Variants in SAMMSON observed in about 807,000 individuals in gnomAD.
SAMMSON encodes the protein long intergenic non-protein coding RNA 1212.
At chr3:70,160,752 A>T (rs1363465225) in intron 4 of SAMMSON, among the ~76,000 whole-genome samples, 1 of 152,078 alleles carries the variant, frequency 6.6e-6, no homozygotes, top group Non-Finnish European at 1.5e-5. Flanking sequence ...TGAAAATTTG[A>T]AAAGTACTGC....
rs115648248 is a variant in SAMMSON, at chr3:70,232,756, A to T, written n.508-16351A>T. Among the ~76,000 whole-genome samples the T allele has an allele frequency of 5.6e-3, 860 of 152,268 alleles. 1 individual carries two copies. Among genetic ancestry groups the T allele is most frequent in the South Asian group, 0.015 (72 of 4,824 alleles). The stretch of plus-strand genomic sequence containing the variant: ...AATACGTATTGTTTTTACCAATAAT[A>T]AATATTTATTCCATCACAGGGACTG... On this transcript the variant is annotated intron_variant and non_coding_transcript_variant, in intron 4 of 9. Transcript: ENST00000642114.
At chr3:70,270,082 T>A (rs572669766) in intron 6 of SAMMSON, among the ~76,000 whole-genome samples, 1 of 152,152 alleles carries the variant, frequency 6.6e-6, no homozygotes, top group Non-Finnish European at 1.5e-5. Flanking sequence ...AAAAATACAA[T>A]GTTCTAAGAA....
At chr3:70,142,276 A>G (rs989363405) in intron 4 of SAMMSON, among the ~76,000 whole-genome samples, 5 of 152,220 alleles carry the variant, frequency 3.3e-5, no homozygotes, top group Admixed American at 3.3e-4. Context: ...ACATGGAACC[A>G]ACCCAAGTGG....
chr3:70,069,343 C>T (rs911315917), intron 3 of SAMMSON: 6 of 152,018 alleles, frequency 3.9e-5, no homozygotes, highest in Non-Finnish European at 5.9e-5. Flanking sequence ...TACTTTGTGC[C>T]TACACTGGCC....
At chr3:70,093,667 G>A (rs990554093) in intron 4 of SAMMSON, among the ~76,000 whole-genome samples, 1 of 152,138 alleles carries the variant, frequency 6.6e-6, no homozygotes. Flanking sequence ...TCCCTGAATA[G>A]CTATGCAAAG....
At chr3:70,394,011 A>G (rs557057108), downstream of SAMMSON, among the ~76,000 whole-genome samples, 86 of 152,278 alleles carry the variant, frequency 5.6e-4, no homozygotes, top group African/African-American at 2.0e-3. Context: ...CTTTCCAGTG[A>G]GCCCAGGTGA....
intron 9 of SAMMSON, among the ~76,000 whole-genome samples, chr3:70,374,748 G>C (rs564950231): frequency 6.6e-6 from 1 of 152,148 alleles, no homozygotes; most frequent in Non-Finnish European, 1.5e-5. Context: ...CCTGGGAATG[G>C]TGGAAGTCTA....
intron 2 of SAMMSON, among the ~76,000 whole-genome samples, chr3:70,421,466 G>C (rs970132673): frequency 6.6e-6 from 1 of 152,056 alleles, no homozygotes; most frequent in Admixed American, 6.6e-5. Context: ...TAAATTCAGA[G>C]AATGTTCATC....
At chr3:70,061,418 C>CT (rs1332018085) in intron 3 of SAMMSON, among the ~76,000 whole-genome samples, 1 of 152,136 alleles carries the variant, frequency 6.6e-6, no homozygotes, top group African/African-American at 2.4e-5. Context: ...TTTAAAAAAT[C>CT]TTTAAGATTT....
At chr3:70,233,907 G>A (rs988862011) in intron 4 of SAMMSON, among the ~76,000 whole-genome samples, 2 of 152,102 alleles carry the variant, frequency 1.3e-5, no homozygotes, top group Non-Finnish European at 2.9e-5. Flanking sequence ...TATTTGTATT[G>A]TTTTCAGTTG....
intron 4 of SAMMSON, among the ~76,000 whole-genome samples, chr3:70,248,361 A>G (rs1701728490): frequency 6.6e-6 from 1 of 152,086 alleles, no homozygotes; most frequent in African/African-American, 2.4e-5. Flanking sequence ...AATTTTGAAA[A>G]GCATGTTATA....
At chr3:70,113,968 C>G (rs907546573) in intron 4 of SAMMSON, among the ~76,000 whole-genome samples, 4 of 152,188 alleles carry the variant, frequency 2.6e-5, no homozygotes, top group African/African-American at 9.7e-5. Context: ...GGACTTCCAG[C>G]CTCCAGAACT....
intron 4 of SAMMSON, among the ~76,000 whole-genome samples, chr3:70,229,459 C>A (rs549260251): frequency 6.6e-6 from 1 of 152,286 alleles, no homozygotes; most frequent in Non-Finnish European, 1.5e-5. Context: ...TGCTACATAG[C>A]AGAACTTGCT....
intron 4 of SAMMSON, among the ~76,000 whole-genome samples, chr3:70,081,649 T>C (rs999462621): frequency 6.6e-6 from 1 of 152,188 alleles, no homozygotes; most frequent in African/African-American, 2.4e-5. Context: ...ATGGGCTCAG[T>C]ATATATTTGC....
chr3:70,338,572 A>T (rs11715621), intron 7 of SAMMSON, among the ~76,000 whole-genome samples: 125,890 of 152,108 alleles, frequency 0.83, 52,241 homozygotes, highest in East Asian at 0.94. Context: ...ACAAAATCAA[A>T]GTGCAAAAAT....
At chr3:70,332,440 CCACT>C (rs1240743202) in intron 7 of SAMMSON, among the ~76,000 whole-genome samples, 2 of 152,128 alleles carry the variant, frequency 1.3e-5, no homozygotes, top group Non-Finnish European at 2.9e-5. Context: ...CAGTTCCTGT[CCACT>C]CTTCTTGTGG....
chr3:70,406,850 G>T (rs1365465260), intron 2 of SAMMSON, among the ~76,000 whole-genome samples: 1 of 152,128 alleles, frequency 6.6e-6, no homozygotes, highest in African/African-American at 2.4e-5. Context: ...TGAGATGATA[G>T]GCTATGTAAC....
intron 4 of SAMMSON, among the ~76,000 whole-genome samples, chr3:70,094,061 A>T (rs1165143459): frequency 6.6e-6 from 1 of 152,200 alleles, no homozygotes; most frequent in East Asian, 1.9e-4. Flanking sequence ...AACGGGAACC[A>T]TCAGCCTGAA....
intron 4 of SAMMSON, among the ~76,000 whole-genome samples, chr3:70,178,776 A>T (rs1418384129): frequency 6.6e-6 from 1 of 152,178 alleles, no homozygotes; most frequent in African/African-American, 2.4e-5. Flanking sequence ...TGGGAGGCCA[A>T]GGGGGAAGGA....
Sources: gnomAD v4.1 joint callset for allele counts (sites outside exome capture counted in the v4.1 genomes callset) on GRCh38, gnomAD v4.1.1 for gene constraint, MANE v1.5 for transcripts, NCBI Gene and HGNC (gene_info 2026-07-23, HGNC 2026-07-21) for gene names.